NAALADL2: variants seen among roughly 807,000 people sequenced by gnomAD.
NAALADL2 encodes N-acetylated alpha-linked acidic dipeptidase like 2.
Under a neutral mutation model 87.2 loss-of-function variants are expected in NAALADL2, and 76 were observed. That is an observed-to-expected ratio of 0.87 (90% CI 0.72 to 1.05). The LOEUF is 1.05. NAALADL2 is among the 50% of genes least tolerant of loss of function. The pLI, the probability that NAALADL2 is intolerant of heterozygous loss-of-function variation, is 0.00. For missense variants in NAALADL2, 1,089 were observed against 945.8 expected (o/e 1.15, Z -1.99); for synonymous variants, 354 against 331.0 (o/e 1.07, Z -0.75).
chr3:175,044,944 A>G (rs1754496518), intron 1 of NAALADL2, among the ~76,000 whole-genome samples: 1 of 149,238 alleles, frequency 6.7e-6, no homozygotes, highest in South Asian at 2.1e-4. Flanking sequence ...TTTTTTTTTC[A>G]TGCTTGAAAA....
intron 2 of NAALADL2, among the ~76,000 whole-genome samples, chr3:175,203,759 G>T (rs960297123): frequency 2.4e-4 from 36 of 152,152 alleles, no homozygotes; most frequent in African/African-American, 8.7e-4. Context: ...AGAAACAGGA[G>T]ATATTACAAC....
chr3:175,542,490 T>C (rs1712531208), intron 9 of NAALADL2, among the ~76,000 whole-genome samples: 1 of 152,234 alleles, frequency 6.6e-6, no homozygotes, highest in Non-Finnish European at 1.5e-5. Flanking sequence ...CAGCCCTCCA[T>C]TGTCCTTGGG....
At chr3:175,372,043 A>G (rs1191580477) in intron 5 of NAALADL2, among the ~76,000 whole-genome samples, 1 of 152,164 alleles carries the variant, frequency 6.6e-6, no homozygotes, top group East Asian at 1.9e-4. Flanking sequence ...ACTCTAAAAA[A>G]AGTCCAGCCA....
chr3:175,565,251 G>GAAATAA (rs1170923249), intron 9 of NAALADL2, among the ~76,000 whole-genome samples: 1 of 152,090 alleles, frequency 6.6e-6, no homozygotes, highest in Non-Finnish European at 1.5e-5. Flanking sequence ...TCTGTAAAAT[G>GAAATAA]AAATAAAAAG....
Position 175,039,502 on chromosome 3 carries a change from A to C in NAALADL2, c.44-57288A>C, listed in dbSNP as rs542515433. On this transcript the variant is annotated intron_variant, in intron 1 of 13. Coordinates refer to ENST00000454872, the MANE Select transcript of NAALADL2 (RefSeq NM_207015.3). ...CAGAACTATTCTCTCGTATGCAGGC[A>C]GGCAGTGTCTTCTGAGACCTGGACA... 2.0e-5 allele frequency among the ~76,000 whole-genome samples: 3 copies of C among 152,156 alleles called. No homozygotes were observed. The South Asian group carries it at 6.2e-4, about 31-fold the overall frequency.
At chr3:175,595,646 A>T (rs988891406) in intron 10 of NAALADL2, among the ~76,000 whole-genome samples, 1 of 152,070 alleles carries the variant, frequency 6.6e-6, no homozygotes, top group Non-Finnish European at 1.5e-5. Flanking sequence ...TATAACAGCC[A>T]CAGAGAAAAT....
intron 11 of NAALADL2, among the ~76,000 whole-genome samples, chr3:175,632,862 T>C (rs1239786082): frequency 1.3e-5 from 2 of 152,080 alleles, no homozygotes; most frequent in African/African-American, 4.8e-5. Flanking sequence ...TAGTAATCAC[T>C]AGTCACATGT....
intron 3 of NAALADL2, among the ~76,000 whole-genome samples, chr3:174,802,347 GAT>G (rs1304882669): frequency 2.0e-5 from 3 of 151,946 alleles, no homozygotes; most frequent in African/African-American, 7.3e-5. Context: ...TAAAAAATAA[GAT>G]ATAAAACAGA....
rs1263362568 is a variant in NAALADL2 at position 175,181,717 on chromosome 3, GTATA to G, written c.546-52208_546-52205del. ...TATATATATATATGTGTGTGTGTGT[GTATA>G]TATATGTATATATGTGTATATATGT... On this transcript the variant is annotated intron_variant, in intron 2 of 13. Transcript: ENST00000454872. Among the ~76,000 whole-genome samples the G allele has an allele frequency of 3.7e-3, 51 of 13,684 alleles. 1 individual carries two copies. Among genetic ancestry groups the G allele is most frequent in the East Asian group, 0.022 (6 of 274 alleles). The allele number at this position is 13,684 out of a possible 152,430, so 9.0% of individuals were successfully genotyped here. A position where few individuals can be genotyped will look rare whatever the true frequency, so the allele number is the denominator to read the frequency against.
intron 11 of NAALADL2, among the ~76,000 whole-genome samples, chr3:175,720,845 A>G (rs955671820): frequency 2.0e-5 from 3 of 152,128 alleles, no homozygotes; most frequent in Non-Finnish European, 4.4e-5. Flanking sequence ...GTGAGAAAGA[A>G]ATAAAGATAT....
intron 1 of NAALADL2, among the ~76,000 whole-genome samples, chr3:174,927,398 A>C (rs1258256464): frequency 6.6e-6 from 1 of 152,220 alleles, no homozygotes; most frequent in Non-Finnish European, 1.5e-5. Flanking sequence ...AAATCAACAG[A>C]ATATACATTC....
intron 2 of NAALADL2, among the ~76,000 whole-genome samples, chr3:174,657,847 C>G (rs1259522430): frequency 6.6e-6 from 1 of 152,084 alleles, no homozygotes; most frequent in African/African-American, 2.4e-5. Context: ...ATTATTTTGC[C>G]TTTTTCAGAG....
At chr3:175,560,191 C>T (rs1716040605) in intron 9 of NAALADL2, among the ~76,000 whole-genome samples, 1 of 152,110 alleles carries the variant, frequency 6.6e-6, no homozygotes, top group Non-Finnish European at 1.5e-5. Flanking sequence ...AATTTATTCA[C>T]TTCTCCTAGA....
At chr3:175,634,950 G>A (rs370776349) in intron 11 of NAALADL2, among the ~76,000 whole-genome samples, 3 of 152,064 alleles carry the variant, frequency 2.0e-5, no homozygotes, top group East Asian at 1.9e-4. Context: ...TTTTCAATGC[G>A]AAGGTTGTAC....
In NAALADL2 at chr3:175,576,022, TTTAAA is replaced by T; in HGVS notation, c.1654-15_1654-11del. ...TGGGAAGCATAGTATGTGTTAACAA[TTTAAA>T]TTATGTTTTTCAGAAAAATAATTTC... On this transcript the variant is annotated splice_polypyrimidine_tract_variant and intron_variant, in intron 9 of 13. Transcript: ENST00000454872. The T allele has an allele frequency of 6.2e-7, 1 of 1,605,004 alleles. No individual in the cohort carries two copies. The highest frequency in any genetic ancestry group is 8.5e-7 in the Non-Finnish European group (1 of 1,175,138).
chr3:174,460,688 T>G (rs79158683), intron 1 of NAALADL2, among the ~76,000 whole-genome samples: 3,011 of 152,120 alleles, frequency 0.02, 103 homozygotes, highest in African/African-American at 0.062. Context: ...TTAAACTTTA[T>G]AAACGTAATT....
At chr3:175,069,717 G>T (rs1438140827) in intron 1 of NAALADL2, among the ~76,000 whole-genome samples, 1 of 151,956 alleles carries the variant, frequency 6.6e-6, no homozygotes, top group Non-Finnish European at 1.5e-5. Context: ...GCACACATAT[G>T]TTTATTGTGG....
At chr3:175,648,163 A>G (rs1237866378) in intron 11 of NAALADL2, among the ~76,000 whole-genome samples, 1 of 152,154 alleles carries the variant, frequency 6.6e-6, no homozygotes, top group Non-Finnish European at 1.5e-5. Flanking sequence ...TAAACTACAA[A>G]CACTTATAAC....
chr3:174,505,007 G>A (rs1719114704), intron 1 of NAALADL2, among the ~76,000 whole-genome samples: 1 of 152,044 alleles, frequency 6.6e-6, no homozygotes, highest in Non-Finnish European at 1.5e-5. Flanking sequence ...ACACAAATTG[G>A]TCATAACATC....
Sources: allele counts gnomAD v4.1 joint callset (sites outside exome capture counted in the v4.1 genomes callset), GRCh38; gene constraint gnomAD v4.1.1; transcripts MANE v1.5; gene names NCBI Gene and HGNC (gene_info 2026-07-23, HGNC 2026-07-21).